Variants in POP1 observed in about 807,000 individuals in gnomAD.
POP1 encodes the protein ribonucleases P/MRP protein subunit POP1.
A neutral mutation model predicts 102.2 loss-of-function variants in POP1; 75 were observed. That is an observed-to-expected ratio of 0.73 (90% CI 0.61 to 0.89). The LOEUF is 0.89. Ranked by LOEUF, POP1 falls within the 40% of genes least tolerant of loss-of-function variation. The pLI is 0.00. For missense variants in POP1, 1,116 were observed against 1,267.4 expected (o/e 0.88, Z 1.81); for synonymous variants, 436 against 464.1 (o/e 0.94, Z 0.78).
At chr8:98,122,720 G>A (rs545266113) in intron 1 of POP1, among the ~76,000 whole-genome samples, 15 of 152,036 alleles carry the variant, frequency 9.9e-5, no homozygotes, top group Non-Finnish European at 2.9e-5. Flanking sequence ...TACATTTAGG[G>A]CATCTATTGT....
At chr8:98,146,444 C>G in intron 11 of POP1, 124 bp from the exon 12 acceptor site, 2 of 768,674 alleles carry the variant, frequency 2.6e-6, no homozygotes, top group Non-Finnish European at 4.6e-6. Context: ...CAAGTAAATT[C>G]TTCTAAGTTA....
In POP1 at chr8:98,156,037, T is replaced by C; in HGVS notation, c.2058-13T>C. ...ATTGTTCAACATTGGTTCTCCTGTA[T>C]GTTTTTCTTTAGACGCCCTCCTGCA... On this transcript the variant is annotated splice_polypyrimidine_tract_variant and intron_variant, in intron 14 of 15. Coordinates refer to ENST00000401707, the MANE Select transcript of POP1 (RefSeq NM_001145860.2). 6.2e-7 allele frequency: 1 copy of C among 1,612,924 alleles called. No individual in the cohort carries two copies. Among genetic ancestry groups the C allele is most frequent in the Non-Finnish European group, 8.5e-7 (1 of 1,179,936 alleles).
chr8:98,128,181 A>G (rs988807841), intron 3 of POP1, among the ~76,000 whole-genome samples, 184 bp from the exon 4 acceptor site: 1 of 151,844 alleles, frequency 6.6e-6, no homozygotes, highest in Non-Finnish European at 1.5e-5. Context: ...TATGATCCCC[A>G]TCCACACTAC....
rs1439941915 is a variant in POP1 at position 98,157,688 on chromosome 8, G to A, written c.2492G>A (p.Arg831Gln). The change falls in exon 16 of 16, where the codon CGA becomes CAA. Residue 831 changes from arginine (R) to glutamine (Q), a missense_variant. Coordinates refer to ENST00000401707, the MANE Select transcript of POP1 (RefSeq NM_001145860.2). ...PSSEDSRGGR[R>Q]APGRGQQGLT... ...TCTGAGGATAGTCGGGGAGGCCGGC[G>A]AGCTCCCGGCAGAGGCCAGCAAGGA... The A allele has an allele frequency of 3.1e-6, 5 of 1,614,200 alleles. No individual in the cohort carries two copies. The highest frequency in any genetic ancestry group is 1.7e-5 in the Admixed American group (1 of 60,030).
At chr8:98,128,769 A>G (rs138105918) in intron 4 of POP1, among the ~76,000 whole-genome samples, 1 of 152,018 alleles carries the variant, frequency 6.6e-6, no homozygotes, top group Non-Finnish European at 1.5e-5. Flanking sequence ...AAAATCCGCA[A>G]ATTAGCTGGG....
chr8:98,154,899 G>A (rs1159492286), intron 14 of POP1, among the ~76,000 whole-genome samples: 2 of 152,102 alleles, frequency 1.3e-5, no homozygotes, highest in African/African-American at 4.8e-5. Flanking sequence ...TGAAAAAAGT[G>A]AAGTTAAGCA....
Position 98,133,846 on chromosome 8 carries a change from G to C in POP1, c.736-103G>C. Reference sequence around the variant, plus strand: ...GAACATAGCTTTAGCAATTTGTTTTGTGTCTTAGGCCTCTAAAGGTTTTGT... The same window carrying C: ...GAACATAGCTTTAGCAATTTGTTTTCTGTCTTAGGCCTCTAAAGGTTTTGT... On this transcript the variant is annotated intron_variant, in intron 5 of 15. Coordinates refer to ENST00000401707, the MANE Select transcript of POP1 (RefSeq NM_001145860.2). The C allele has an allele frequency of 4.7e-6, 4 of 843,314 alleles. No individual in the cohort carries two copies. The South Asian group carries it at 5.4e-5, about 11-fold the overall frequency. The allele number at this position is 843,314 out of a possible 1,614,324, so 52.2% of individuals were successfully genotyped here.
rs762543358 is a variant in POP1, at chr8:98,158,020, G to C, written c.2824G>C (p.Ala942Pro). 82 of 1,611,680 alleles carry C rather than the reference G, an allele frequency of 5.1e-5. No individual in the cohort carries two copies. The highest frequency in any genetic ancestry group is 6.9e-5 in the Non-Finnish European group (82 of 1,180,030). ...GGAAGAGCCCGTGGCTGGGCAGGAA[G>C]CTCTGACTCTAGGGCTGTGGTCAGG... ...AGEEPVAGQE[A>P]LTLGLWSGPL... The change falls in exon 16 of 16, where the codon GCT becomes CCT. Residue 942 changes from alanine (A) to proline (P), a missense_variant. Physicochemically the swap from Ala to Pro is conservative, Grantham distance 27. Coordinates refer to ENST00000401707, the MANE Select transcript of POP1 (RefSeq NM_001145860.2).
In POP1 at chr8:98,150,564, G is replaced by T; in HGVS notation, c.1982G>T (p.Gly661Val). Residue 661 changes from glycine to valine, a missense_variant, in exon 14 of 16, where the codon GGC (glycine) becomes GTC (valine). Physicochemically the swap from Gly to Val is moderately radical, Grantham distance 109. Coordinates refer to ENST00000401707, the MANE Select transcript of POP1 (RefSeq NM_001145860.2). Reference protein sequence around the residue: ...SQYKRSPNVPGDFPDCPAGML... With the variant: ...SQYKRSPNVPVDFPDCPAGML... Reference sequence around the variant, plus strand: ...TATAAGAGGTCGCCTAATGTCCCAGGCGATTTTCCAGACTGCCCTGCCGGG... The same window carrying T: ...TATAAGAGGTCGCCTAATGTCCCAGTCGATTTTCCAGACTGCCCTGCCGGG... 6.2e-7 allele frequency: 1 copy of T among 1,614,168 alleles called. No individual in the cohort carries two copies. Among genetic ancestry groups the T allele is most frequent in the Non-Finnish European group, 8.5e-7 (1 of 1,180,038 alleles).
In POP1 at chr8:98,118,046, T is replaced by A. The variant is rs74951928; in HGVS notation, c.-3+656T>A. Among the ~76,000 whole-genome samples the A allele has an allele frequency of 3.5e-3, 463 of 131,602 alleles. 1 individual carries two copies. Among genetic ancestry groups the A allele is most frequent in the African/African-American group, 0.011 (417 of 36,416 alleles). 86.3% of individuals were successfully genotyped at this position (131,602 alleles called of 152,430 possible). A position where few individuals can be genotyped will look rare whatever the true frequency, so the allele number is the denominator to read the frequency against. On this transcript the variant is annotated intron_variant, in intron 1 of 15. Transcript: ENST00000401707. ...GGAGGAATGCAACAGTTAAAAAAAA[T>A]AATAATAAAATCTCTGCCTTCCCTG... is the stretch of plus-strand genomic sequence containing the variant.
intron 14 of POP1, 148 bp downstream of exon 14, chr8:98,150,787 T>C (rs1809494404): frequency 1.2e-6 from 1 of 832,186 alleles, no homozygotes; most frequent in Admixed American, 2.7e-5. Flanking sequence ...TAAGAAGATA[T>C]TACTTAAGTG....
At chr8:98,146,180 C>A (rs772200131) in intron 11 of POP1, among the ~76,000 whole-genome samples, 1 of 152,174 alleles carries the variant, frequency 6.6e-6, no homozygotes, top group South Asian at 2.1e-4. Context: ...ACCCTCCCCC[C>A]TTAGCCTCCC....
At position 98,156,181 on chromosome 8, in the gene POP1, C is replaced by T; in HGVS notation, c.2189C>T (p.Ser730Phe). The T allele has an allele frequency of 6.2e-7, 1 of 1,614,102 alleles. No homozygotes were observed. The highest frequency in any genetic ancestry group is 8.5e-7 in the Non-Finnish European group (1 of 1,180,032). Reference protein sequence around the residue: ...QAYEEPSVASSPNGKESDLRR... With the variant: ...QAYEEPSVASFPNGKESDLRR... ...TACGAAGAACCTTCTGTAGCTTCAT[C>T]TCCAAATGGTAAGGAGAGTGACCTA... Residue 730 changes from serine to phenylalanine, a missense_variant, in exon 15 of 16, where the codon TCT becomes TTT. By Grantham distance (155) the Ser-to-Phe change is radical (BLOSUM62 -2). Coordinates refer to ENST00000401707, the MANE Select transcript of POP1 (RefSeq NM_001145860.2).
chr8:98,150,560 C>G lies in POP1; in HGVS notation c.1978C>G (p.Pro660Ala), dbSNP rs1427407573. Residue 660 changes from proline (P) to alanine (A), a missense_variant, in exon 14 of 16, where the codon CCA becomes GCA. Coordinates refer to ENST00000401707, the MANE Select transcript of POP1 (RefSeq NM_001145860.2). ...TCAGTATAAGAGGTCGCCTAATGTCCCAGGCGATTTTCCAGACTGCCCTGC... is the reference window on the plus strand; with the variant it reads ...TCAGTATAAGAGGTCGCCTAATGTCGCAGGCGATTTTCCAGACTGCCCTGC... ...HSQYKRSPNV[P>A]GDFPDCPAGM... 6.2e-7 allele frequency: 1 copy of G among 1,613,900 alleles called. No individual in the cohort carries two copies. Among genetic ancestry groups the G allele is most frequent in the Non-Finnish European group, 8.5e-7 (1 of 1,179,920 alleles).
chr8:98,136,420 A>G, intron 7 of POP1, 62 bp from the exon 8 acceptor site: 3 of 1,513,100 alleles, frequency 2.0e-6, no homozygotes, highest in Non-Finnish European at 2.7e-6. Context: ...AAACCCAACT[A>G]AATTTGTCGT....
At chr8:98,150,712 A>G (rs1809493330) in intron 14 of POP1, 73 bp downstream of exon 14, 5 of 1,432,790 alleles carry the variant, frequency 3.5e-6, no homozygotes, top group Middle Eastern at 1.8e-4. Context: ...TGGTATCCCA[A>G]ACATTAGGAT....
At chr8:98,120,845 A>G (rs1815997742) in intron 1 of POP1, among the ~76,000 whole-genome samples, 1 of 152,014 alleles carries the variant, frequency 6.6e-6, no homozygotes, top group Non-Finnish European at 1.5e-5. Flanking sequence ...ACGGGGTTTC[A>G]CTGTGTTAGC....
intron 14 of POP1, among the ~76,000 whole-genome samples, chr8:98,152,260 A>G (rs1207020623): frequency 6.6e-6 from 1 of 152,230 alleles, no homozygotes; most frequent in Admixed American, 6.5e-5. Context: ...CAAATTTTCC[A>G]TAGATATACA....
chr8:98,149,784 G>GTAAA (rs149431668), intron 13 of POP1, among the ~76,000 whole-genome samples: 12 of 151,464 alleles, frequency 7.9e-5, no homozygotes, highest in African/African-American at 1.2e-4. Flanking sequence ...AAATAAATAA[G>GTAAA]TAAATAAATA....
Sources: gnomAD v4.1 joint callset for allele counts (sites outside exome capture counted in the v4.1 genomes callset) on GRCh38, gnomAD v4.1.1 for gene constraint, MANE v1.5 for transcripts, NCBI Gene and HGNC (gene_info 2026-07-23, HGNC 2026-07-21) for gene names.